FIG4: variants seen among roughly 807,000 people sequenced by gnomAD.
FIG4 encodes polyphosphoinositide phosphatase.
FIG4 carries 112 observed loss-of-function variants against 118.6 expected under a neutral mutation model. The ratio of observed to expected loss-of-function variants is 0.94; its 90% confidence interval spans 0.81 to 1.11. The LOEUF (loss-of-function observed/expected upper bound fraction) is 1.11, where lower values mean the gene tolerates loss of function less well. Ranked by LOEUF, FIG4 falls within the 50% of genes least tolerant of loss-of-function variation. The pLI is 0.00. For missense variants in FIG4, 969 were observed against 1,111.7 expected, an observed-to-expected ratio of 0.87 and a Z score of 1.83; for synonymous variants, 369 against 381.2, an observed-to-expected ratio of 0.97 and a Z score of 0.37.
In FIG4 at chr6:109,757,970, C is replaced by G. The variant is rs563531939; in HGVS notation, c.1138-2280C>G. ...CCAGTGAAATAAGAGAGGGCACAAA[C>G]AGATGGAAAAACATTCCATGCTCAT... is the stretch of plus-strand genomic sequence containing the variant. On this transcript the variant is annotated intron_variant, in intron 10 of 22. Coordinates refer to ENST00000230124, the MANE Select transcript of FIG4 (RefSeq NM_014845.6). 3.9e-5 allele frequency among the ~76,000 whole-genome samples: 6 copies of G among 152,278 alleles called. No individual in the cohort carries two copies. In the South Asian group the frequency reaches 1.2e-3, roughly 32 times the overall value.
At chr6:109,733,283 G>A (rs6568603) in intron 5 of FIG4, among the ~76,000 whole-genome samples, 68,497 of 151,860 alleles carry the variant, frequency 0.45, 17,025 homozygotes, top group African/African-American at 0.67. Context: ...ATCCAGGGAC[G>A]TCCCAAATAT....
intron 1 of FIG4, among the ~76,000 whole-genome samples, chr6:109,702,909 A>T (rs755064587): frequency 9.9e-5 from 15 of 152,108 alleles, no homozygotes; most frequent in African/African-American, 3.6e-4. Flanking sequence ...TTTAGTCCGG[A>T]CTGGATGCTC....
At position 109,792,654 on chromosome 6, in the gene FIG4, A is replaced by G. The variant is rs781056036; in HGVS notation, c.2449A>G (p.Ile817Val). ...SDGLSEEDFS[I>V]YSRFVQLGQS... ...TGGCCTCTCAGAAGAAGATTTCTCC[A>G]TTTATTCAAGGTGAGATACTTTCAT... Residue 817 changes from isoleucine (I) to valine (V), a missense_variant, in exon 21 of 23, where the codon ATT (isoleucine) becomes GTT (valine). Physicochemically the swap from Ile to Val is conservative, Grantham distance 29 (BLOSUM62 3). Coordinates refer to ENST00000230124, the MANE Select transcript of FIG4 (RefSeq NM_014845.6). The G allele has an allele frequency of 1.2e-5, 19 of 1,567,772 alleles. No individual in the cohort carries two copies. In the African/African-American group the frequency reaches 2.2e-4, roughly 18 times the overall value.
At chr6:109,744,328 G>A (rs1228860314) in intron 10 of FIG4, among the ~76,000 whole-genome samples, 3 of 152,044 alleles carry the variant, frequency 2.0e-5, no homozygotes, top group Non-Finnish European at 4.4e-5. Flanking sequence ...ACACTGACTG[G>A]TCAGCATATC....
At chr6:109,708,011 T>C (rs189944314) in intron 1 of FIG4, among the ~76,000 whole-genome samples, 66 of 152,110 alleles carry the variant, frequency 4.3e-4, no homozygotes, top group Non-Finnish European at 8.1e-4. Context: ...TTTTTTACTT[T>C]TAAGTTTGGG....
chr6:109,756,472 G>A (rs1776906261), intron 10 of FIG4, among the ~76,000 whole-genome samples: 1 of 151,932 alleles, frequency 6.6e-6, no homozygotes, highest in Admixed American at 6.6e-5. Flanking sequence ...TCCTGAATCT[G>A]AATGTTGGCC....
At chr6:109,713,126 T>C (rs1227868173) in intron 1 of FIG4, among the ~76,000 whole-genome samples, 1 of 152,194 alleles carries the variant, frequency 6.6e-6, no homozygotes, top group Non-Finnish European at 1.5e-5. Flanking sequence ...CAACGTGTAG[T>C]GACTGCTGGT....
At position 109,821,675 on chromosome 6, in the gene FIG4, C is replaced by T. The variant is rs138533251; in HGVS notation, c.2547-3413C>T. On this transcript the variant is annotated intron_variant, in intron 22 of 22. Coordinates refer to ENST00000230124, the MANE Select transcript of FIG4 (RefSeq NM_014845.6). ...ATAAGCAACCAGAGACTGTGACCCTCCTGATGAAGCAATACACCACCAGCC... is the reference window on the plus strand; with the variant it reads ...ATAAGCAACCAGAGACTGTGACCCTTCTGATGAAGCAATACACCACCAGCC... Among the ~76,000 whole-genome samples the T allele has an allele frequency of 2.3e-3, 349 of 152,282 alleles. 1 individual carries two copies. The highest frequency in any genetic ancestry group is 7.5e-3 in the African/African-American group (313 of 41,556).
chr6:109,734,350 A>G (rs1479066134), intron 5 of FIG4, among the ~76,000 whole-genome samples: 1 of 151,322 alleles, frequency 6.6e-6, no homozygotes, highest in Non-Finnish European at 1.5e-5. Flanking sequence ...CTTAAGAAAT[A>G]TATATACACA....
At chr6:109,727,051 A>G (rs1207775505) in intron 3 of FIG4, 58 bp from the exon 4 acceptor site, 1 of 1,327,362 alleles carries the variant, frequency 7.5e-7, no homozygotes, top group Non-Finnish European at 1.1e-6. Flanking sequence ...TTAAATAGGC[A>G]TCTAAAAGCC....
intron 10 of FIG4, 79 bp downstream of exon 10, chr6:109,743,851 A>G (rs1489188827): frequency 8.0e-6 from 7 of 878,504 alleles, no homozygotes; most frequent in Non-Finnish European, 1.2e-5. Context: ...GGGGTTAACA[A>G]GCCATGCTTT....
At chr6:109,813,392 C>T (rs756480428) in intron 22 of FIG4, among the ~76,000 whole-genome samples, 46 of 152,266 alleles carry the variant, frequency 3.0e-4, no homozygotes, top group Non-Finnish European at 1.2e-4. Flanking sequence ...AAGTTTTTGC[C>T]AGTACTCCCT....
chr6:109,797,525 G>A (rs1778320657), intron 22 of FIG4, among the ~76,000 whole-genome samples: 1 of 152,174 alleles, frequency 6.6e-6, no homozygotes, highest in East Asian at 1.9e-4. Flanking sequence ...CTGCTTGTTG[G>A]GACCTAACAA....
intron 1 of FIG4, among the ~76,000 whole-genome samples, chr6:109,699,870 A>G (rs1038370928): frequency 2.0e-5 from 3 of 152,116 alleles, no homozygotes; most frequent in Admixed American, 1.3e-4. Flanking sequence ...AATCCCATCA[A>G]CTAGTTGGCT....
chr6:109,754,412 G>A (rs1372501271), intron 10 of FIG4, among the ~76,000 whole-genome samples: 1 of 152,124 alleles, frequency 6.6e-6, no homozygotes, highest in East Asian at 1.9e-4. Context: ...TTTTTTGGTT[G>A]TGTCTCTGCC....
chr6:109,692,755 G>A (rs1774545871), intron 1 of FIG4, among the ~76,000 whole-genome samples: 7 of 151,838 alleles, frequency 4.6e-5, no homozygotes, highest in Admixed American at 3.9e-4. Context: ...GGAGTGCAGT[G>A]GTGCTATCTC....
chr6:109,767,906 A>G (rs1777332714), intron 15 of FIG4, among the ~76,000 whole-genome samples: 1 of 152,096 alleles, frequency 6.6e-6, no homozygotes, highest in Admixed American at 6.6e-5. Flanking sequence ...GGAGTGAACT[A>G]TTGCCTGCAA....
intron 22 of FIG4, among the ~76,000 whole-genome samples, chr6:109,812,357 G>A (rs1179574662): frequency 6.6e-6 from 1 of 152,174 alleles, no homozygotes; most frequent in Non-Finnish European, 1.5e-5. Context: ...GGCATAGGTA[G>A]GGGCCAGATC....
intron 14 of FIG4, 74 bp downstream of exon 14, chr6:109,765,235 A>T (rs1421921841): frequency 2.4e-6 from 3 of 1,263,208 alleles, no homozygotes; most frequent in Non-Finnish European, 3.5e-6. Context: ...AGATTTTTTT[A>T]TGAAAGCGTT....
Sources: gnomAD v4.1 joint callset for allele counts (sites outside exome capture counted in the v4.1 genomes callset) on GRCh38, gnomAD v4.1.1 for gene constraint, MANE v1.5 for transcripts, NCBI Gene and HGNC (gene_info 2026-07-23, HGNC 2026-07-21) for gene names.